The following DLL1 variants were observed in gnomAD, a reference collection of about 807,000 sequenced individuals.
DLL1 encodes delta like canonical Notch ligand 1, also known as delta-like protein 1.
A neutral mutation model predicts 75.1 loss-of-function variants in DLL1; 9 were observed. The ratio of observed to expected loss-of-function variants is 0.12; its 90% CI spans 0.07 to 0.21. The LOEUF is 0.21. Ranked by LOEUF, DLL1 falls within the 10% of genes least tolerant of loss-of-function variation. DLL1 has a pLI of 1.00. For synonymous variants in DLL1, 477 were observed against 418.3 expected (o/e 1.14, Z -1.71); for missense variants, 837 against 1,007.6 (o/e 0.83, Z 2.29).
Position 170,282,714 on chromosome 6 carries a change from C to G in DLL1, c.*160G>C. Reference sequence around the variant, plus strand: ...CGGGCCGCGACAGGCTGTCGGCAGGCGTCGAGGACCTCAGGAGGAGAACCT... The same window carrying G: ...CGGGCCGCGACAGGCTGTCGGCAGGGGTCGAGGACCTCAGGAGGAGAACCT... On this transcript the variant is annotated 3_prime_UTR_variant, in exon 11 of 11. Coordinates refer to ENST00000366756, the MANE Select transcript of DLL1 (RefSeq NM_005618.4). 8.1e-7 allele frequency: 1 copy of G among 1,231,400 alleles called. No individual in the cohort carries two copies. Among genetic ancestry groups the G allele is most frequent in the Non-Finnish European group, 1.2e-6 (1 of 845,020 alleles). 76.3% of individuals were successfully genotyped at this position (1,231,400 alleles called of 1,614,324 possible). A position where few individuals can be genotyped will look rare whatever the true frequency, so the allele number is the denominator to read the frequency against.
chr6:170,282,987 C>T lies in DLL1; in HGVS notation c.2166+1G>A. 6.2e-7 allele frequency: 1 copy of T among 1,614,210 alleles called. No individual in the cohort carries two copies. ...AGGGAGCGGCTGCTGCCTGCACTGA[C>T]CTCAGTTGCTATGACGCACTCATCC... is the stretch of plus-strand genomic sequence containing the variant. On this transcript the variant is annotated splice_donor_variant, in intron 10 of 10. Coordinates refer to ENST00000366756, the MANE Select transcript of DLL1 (RefSeq NM_005618.4). LOFTEE classifies it high-confidence loss of function.
At position 170,282,810 on chromosome 6, in the gene DLL1, G is replaced by A. The variant is rs916685070; in HGVS notation, c.*64C>T. 1.9e-6 allele frequency: 3 copies of A among 1,611,366 alleles called. No individual in the cohort carries two copies. The highest frequency in any genetic ancestry group is 2.5e-6 in the Non-Finnish European group (3 of 1,178,444). On this transcript the variant is annotated 3_prime_UTR_variant, in exon 11 of 11. Coordinates refer to ENST00000366756, the MANE Select transcript of DLL1 (RefSeq NM_005618.4). ...CTCCTCTTCAGCAGCATTCGTTGGGGCATATATCCTTGGAATTTTACTTAT... is the reference window on the plus strand; with the variant it reads ...CTCCTCTTCAGCAGCATTCGTTGGGACATATATCCTTGGAATTTTACTTAT...
intron 8 of DLL1, 112 bp downstream of exon 8, chr6:170,284,807 T>G (rs1783658590): frequency 1.8e-6 from 2 of 1,123,200 alleles, no homozygotes; most frequent in South Asian, 2.5e-5. Flanking sequence ...CCTGGCGGTC[T>G]GGATAAAAGT....
rs770822812 is a variant in DLL1 at position 170,290,184 on chromosome 6, C to T, written c.-45G>A. ...GAGCCTGGGGGGCCCCCACTTCTCT[C>T]CTTAGAACAGCGGCGGACGCGCGGG... On this transcript the variant is annotated 5_prime_UTR_variant, in exon 1 of 11. Coordinates refer to ENST00000366756, the MANE Select transcript of DLL1 (RefSeq NM_005618.4). This position sits in a 1 kb window ranked among gnomAD's most constrained non-coding sequence, Gnocchi z 4.7. 6 of 1,579,588 alleles carry T rather than the reference C, an allele frequency of 3.8e-6. No individual in the cohort carries two copies. In the East Asian group the frequency reaches 1.4e-4, roughly 37 times the overall value.
rs1053004989 is a variant in DLL1 at position 170,289,434 on chromosome 6, C to T, written c.351+78G>A. 5 of 1,516,666 alleles carry T rather than the reference C, an allele frequency of 3.3e-6. No homozygotes were observed. In the African/African-American group the frequency reaches 5.7e-5, roughly 17 times the overall value. 94.0% of individuals were successfully genotyped at this position (1,516,666 alleles called of 1,614,324 possible). On this transcript the variant is annotated intron_variant, in intron 2 of 10. Transcript: ENST00000366756. ...GTCCCCGAGGTCCCGCCACCGAGCG[C>T]CCAAGGCGGGATCCCAGCGCGTCCT...
rs761854965 is a variant in DLL1 at position 170,283,971 on chromosome 6, C to G, written c.1308G>C (p.Ser436=). ...CCACGTTGTCGTCACAGTGCCTCCC[C>G]GAGAAGCCGGCCTGGCAGCGGCACA... ...AYLCRCQAGF[S]GRHCDDNVDD... is the part of the protein sequence containing the mutation. The change falls in exon 9 of 11, where the codon TCG becomes TCC. Residue 436 remains serine (S), a synonymous_variant. Coordinates refer to ENST00000366756, the MANE Select transcript of DLL1 (RefSeq NM_005618.4). The G allele has an allele frequency of 6.3e-7, 1 of 1,587,068 alleles. No individual in the cohort carries two copies. Among genetic ancestry groups the G allele is most frequent in the Non-Finnish European group, 8.5e-7 (1 of 1,171,264 alleles).
In DLL1 at chr6:170,284,919, C is replaced by T. The variant is rs1370505828; in HGVS notation, c.1249G>A (p.Gly417Ser). ...DYCSSSPCSN[G>S]AKCVDLGDAY... ...GAGCAATCACCAGCTGCCCCCTTAC[C>T]ATTAGAACAGGGTGAAGAGCTGCAG... is the stretch of plus-strand genomic sequence containing the variant. The change falls in exon 8 of 11, where the codon GGT becomes AGT. Residue 417 changes from glycine to serine, a missense_variant and splice_region_variant. Physicochemically the swap from Gly to Ser is moderately conservative, Grantham distance 56. Around this residue, in one of 2 missense-constraint regions of DLL1, gnomAD observed 533 missense variants for 545.7 expected, o/e 0.98. Transcript: ENST00000366756. The T allele has an allele frequency of 6.2e-7, 1 of 1,613,646 alleles. No homozygotes were observed. Among genetic ancestry groups the T allele is most frequent in the Non-Finnish European group, 8.5e-7 (1 of 1,180,030 alleles).
chr6:170,290,225 G>A lies in DLL1; in HGVS notation c.-86C>T. On this transcript the variant is annotated 5_prime_UTR_variant, in exon 1 of 11. Coordinates refer to ENST00000366756, the MANE Select transcript of DLL1 (RefSeq NM_005618.4). The surrounding 1 kb of genome is among the most constrained non-coding windows in gnomAD (Gnocchi z 4.7). The stretch of plus-strand genomic sequence containing the variant: ...GACGCGCGGGGGATCGATGGGCCAC[G>A]GGGAGCGTGGGCAGAAAAGCGCCCT... 1 of 1,514,622 alleles carries A rather than the reference G, an allele frequency of 6.6e-7. No individual in the cohort carries two copies. Among genetic ancestry groups the A allele is most frequent in the East Asian group, 2.4e-5 (1 of 40,998 alleles). The allele number at this position is 1,514,622 out of a possible 1,614,324, so 93.8% of individuals were successfully genotyped here.
In DLL1 at chr6:170,288,403, G is replaced by A. The variant is rs1290747145; in HGVS notation, c.506C>T (p.Thr169Met). 7.4e-6 allele frequency: 12 copies of A among 1,614,060 alleles called. No homozygotes were observed. The highest frequency in any genetic ancestry group is 9.3e-6 in the Non-Finnish European group (11 of 1,180,050). ...WSQDLHSSGR[T>M]DLKYSYRFVC... ...GAAGCGGTAGGAGTACTTGAGGTCCGTGCGGCCGCTGCTGTGCAGGTCCTG... is the reference window on the plus strand; with the variant it reads ...GAAGCGGTAGGAGTACTTGAGGTCCATGCGGCCGCTGCTGTGCAGGTCCTG... Residue 169 changes from threonine (T) to methionine (M), a missense_variant, in exon 4 of 11, where the codon ACG becomes ATG. Around this residue, in one of 2 missense-constraint regions of DLL1, gnomAD observed 304 missense variants for 461.9 expected, o/e 0.66. Transcript: ENST00000366756.
Position 170,288,916 on chromosome 6 carries a change from G to C in DLL1, c.352-127C>G, listed in dbSNP as rs1379716453. 25 of 1,014,486 alleles carry C rather than the reference G, an allele frequency of 2.5e-5. No homozygotes were observed. The Middle Eastern group carries it at 1.1e-3, about 45-fold the overall frequency. 62.8% of individuals were successfully genotyped at this position (1,014,486 alleles called of 1,614,324 possible). A position where few individuals can be genotyped will look rare whatever the true frequency, so the allele number is the denominator to read the frequency against. ...GAAGGCTGCAGGTCTGGGGCAGCGT[G>C]TCTGGAGAGGGTCTCCACGCACCTC... On this transcript the variant is annotated intron_variant, in intron 2 of 10. Transcript: ENST00000366756.
At position 170,289,990 on chromosome 6, in the gene DLL1, C is replaced by A. The variant is rs1430525812; in HGVS notation, c.54+96G>T. The A allele has an allele frequency of 3.7e-6, 5 of 1,343,982 alleles. No individual in the cohort carries two copies. The Admixed American group carries it at 1.2e-4, about 32-fold the overall frequency. The allele number at this position is 1,343,982 out of a possible 1,614,324, so 83.3% of individuals were successfully genotyped here. On this transcript the variant is annotated intron_variant, in intron 1 of 10. Transcript: ENST00000366756. ...CTTCCGGGCCGTGGCTGGCGCGGCC[C>A]GTGCCGCTGTCCGCCCCTCCCCGCG...
chr6:170,283,764 G>A lies in DLL1; in HGVS notation c.1515C>T (p.Cys505=), dbSNP rs370415372. ...GACCCCCGTAGCCTCGGGCACACTC[G>A]CACACATAGCGGTGGCCCCTCTCGT... The part of the protein sequence containing the change: ...TCHERGHRYV[C]ECARGYGGPN... Residue 505 remains cysteine, a synonymous_variant, in exon 9 of 11, where the codon TGC becomes TGT. Transcript: ENST00000366756. The A allele has an allele frequency of 1.3e-4, 203 of 1,585,248 alleles. No individual in the cohort carries two copies. The highest frequency in any genetic ancestry group is 3.2e-4 in the East Asian group (14 of 43,320).
intron 9 of DLL1, 60 bp from the exon 10 acceptor site, chr6:170,283,165 G>T (rs148877197): frequency 1.9e-6 from 3 of 1,613,306 alleles, no homozygotes; most frequent in Non-Finnish European, 1.7e-6. Context: ...GAAGAGAAAC[G>T]GAGCAGTGGT....
rs1335973006 is a variant in DLL1 at position 170,290,499 on chromosome 6, G to A, written c.-360C>T. On this transcript the variant is annotated 5_prime_UTR_variant, in exon 1 of 11. Transcript: ENST00000366756. This position sits in a 1 kb window ranked among gnomAD's most constrained non-coding sequence, Gnocchi z 4.7. ...TGTCTTGAGCTTCTTCGCAGGAGAGGGAGGGGGAGAAAGAGAAAGAGAGAG... is the reference window on the plus strand; with the variant it reads ...TGTCTTGAGCTTCTTCGCAGGAGAGAGAGGGGGAGAAAGAGAAAGAGAGAG... 3.4e-6 allele frequency: 1 copy of A among 297,000 alleles called. No individual in the cohort carries two copies. Among genetic ancestry groups the A allele is most frequent in the Admixed American group, 5.3e-5 (1 of 18,848 alleles). 18.4% of individuals were successfully genotyped at this position (297,000 alleles called of 1,614,324 possible). A position where few individuals can be genotyped will look rare whatever the true frequency, so the allele number is the denominator to read the frequency against.
chr6:170,283,126 A>C (rs771625924), intron 9 of DLL1, 21 bp from the exon 10 acceptor site: 14 of 1,613,868 alleles, frequency 8.7e-6, no homozygotes, highest in Non-Finnish European at 1.2e-5. Flanking sequence ...AATAGAGAAA[A>C]TCCACAATGA....
chr6:170,288,015 A>G (rs1212004192), intron 4 of DLL1: 2 of 671,530 alleles, frequency 3.0e-6, no homozygotes, highest in Non-Finnish European at 5.0e-6. Flanking sequence ...GGCAGTTCCG[A>G]TAGTGGATAA....
Position 170,286,919 on chromosome 6 carries a change from G to T in DLL1, c.671-621C>A, listed in dbSNP as rs892433819. Among the ~76,000 whole-genome samples, 3 of 152,180 alleles carry T rather than the reference G, an allele frequency of 2.0e-5. No individual in the cohort carries two copies. In the East Asian group the frequency reaches 5.8e-4, roughly 29 times the overall value. On this transcript the variant is annotated intron_variant, in intron 4 of 10. Transcript: ENST00000366756. ...TCTATGGCACGCGCGAGCTGGGGGCGGGGAGAGACTTCAGTGTTTGAAGAA... is the reference window on the plus strand; with the variant it reads ...TCTATGGCACGCGCGAGCTGGGGGCTGGGAGAGACTTCAGTGTTTGAAGAA...
chr6:170,282,664 C>T lies in DLL1; in HGVS notation c.*210G>A, dbSNP rs1195606190. The T allele has an allele frequency of 1.4e-6, 1 of 707,304 alleles. No individual in the cohort carries two copies. The highest frequency in any genetic ancestry group is 2.5e-6 in the Non-Finnish European group (1 of 401,562). 43.8% of individuals were successfully genotyped at this position (707,304 alleles called of 1,614,324 possible). ...ACTGTCCATAGTGCAACGGCGACGTCACGGAAGGCAGTGCCGCAGGCGGCC... is the reference window on the plus strand; with the variant it reads ...ACTGTCCATAGTGCAACGGCGACGTTACGGAAGGCAGTGCCGCAGGCGGCC... On this transcript the variant is annotated 3_prime_UTR_variant, in exon 11 of 11. Transcript: ENST00000366756.
intron 8 of DLL1, among the ~76,000 whole-genome samples, chr6:170,284,688 C>T (rs1377397315): frequency 1.3e-5 from 2 of 152,222 alleles, no homozygotes; most frequent in African/African-American, 4.8e-5. Flanking sequence ...CTGAGCAAGT[C>T]ATTCACTGCT....
Sources: gnomAD v4.1 joint callset for allele counts (sites outside exome capture counted in the v4.1 genomes callset) on GRCh38, gnomAD v4.1.1 for gene constraint, gnomAD v4.1.1 regional missense constraint, Gnocchi (gnomAD v3.1) non-coding constraint, MANE v1.5 for transcripts, NCBI Gene and HGNC (gene_info 2026-07-23, HGNC 2026-07-21) for gene names.